The following CNTN4 variants were observed in gnomAD, a reference collection of about 807,000 sequenced individuals.
The protein encoded by CNTN4 is contactin-4.
CNTN4 carries 77 observed loss-of-function variants against 122.5 expected under a neutral mutation model. The observed-to-expected ratio is 0.63, with a 90% CI of 0.52 to 0.76. The LOEUF is 0.76. Ranked by LOEUF, CNTN4 falls within the 30% of genes least tolerant of loss-of-function variation. The pLI is 0.00. For missense variants in CNTN4, 1,256 were observed against 1,259.1 expected, an observed-to-expected ratio of 1.00 and a Z score of 0.04; for synonymous variants, 512 against 447.0, an observed-to-expected ratio of 1.15 and a Z score of -1.83.
At chr3:2,143,725 G>A (rs1396386561) in intron 2 of CNTN4, among the ~76,000 whole-genome samples, 1 of 152,158 alleles carries the variant, frequency 6.6e-6, no homozygotes, top group African/African-American at 2.4e-5. Flanking sequence ...AAGAAATTGA[G>A]TTTAGAGTTA....
chr3:2,777,516 C>G (rs2091372538), intron 6 of CNTN4, among the ~76,000 whole-genome samples: 1 of 152,196 alleles, frequency 6.6e-6, no homozygotes, highest in South Asian at 2.1e-4. Flanking sequence ...TGACCTTACC[C>G]TCTCTGGTAG....
At chr3:2,101,138 C>A (rs545755178) in intron 2 of CNTN4, among the ~76,000 whole-genome samples, 2 of 152,174 alleles carry the variant, frequency 1.3e-5, no homozygotes, top group South Asian at 4.1e-4. Flanking sequence ...AGAGAACAAA[C>A]CTTTCAAATG....
chr3:2,130,137 TA>T (rs1239454334), intron 2 of CNTN4, among the ~76,000 whole-genome samples: 2 of 152,208 alleles, frequency 1.3e-5, no homozygotes, highest in African/African-American at 4.8e-5. Flanking sequence ...TTATAATTCT[TA>T]TTTTTATTGT....
In CNTN4 at chr3:2,497,776, T is replaced by C. The variant is rs2076491479; in HGVS notation, c.-88-73640T>C. Among the ~76,000 whole-genome samples, 4 of 152,372 alleles carry C rather than the reference T, an allele frequency of 2.6e-5. No individual in the cohort carries two copies. In the South Asian group the frequency reaches 8.3e-4, roughly 32 times the overall value. The stretch of plus-strand genomic sequence containing the variant: ...CCCTTATAGAGCACTTAACAGAATC[T>C]ATAACTATTGAATTTACTTATCAAT... On this transcript the variant is annotated intron_variant, in intron 3 of 24. Transcript: ENST00000418658.
chr3:2,407,080 T>C lies in CNTN4; in HGVS notation c.-89+67847T>C, dbSNP rs370643880. The stretch of plus-strand genomic sequence containing the variant: ...TGCAAGATATCTTTCTTCGTCTAAC[T>C]CACATATTGAAGTGAACAACTTTTA... On this transcript the variant is annotated intron_variant, in intron 3 of 24. Transcript: ENST00000418658. 5.9e-5 allele frequency among the ~76,000 whole-genome samples: 9 copies of C among 152,294 alleles called. No homozygotes were observed. The East Asian group carries it at 1.5e-3, about 26-fold the overall frequency.
At chr3:2,926,120 A>G (rs548584837) in intron 13 of CNTN4, among the ~76,000 whole-genome samples, 6 of 152,304 alleles carry the variant, frequency 3.9e-5, no homozygotes, top group East Asian at 3.9e-4. Flanking sequence ...GTCCTTTGGT[A>G]TATGTAAATA....
intron 6 of CNTN4, among the ~76,000 whole-genome samples, chr3:2,774,154 G>A (rs4075529): frequency 0.72 from 109,412 of 151,944 alleles, 41,399 homozygotes; most frequent in Non-Finnish European, 0.84. Flanking sequence ...CCAGTTACCC[G>A]GGAGGCTGAG....
At chr3:2,897,763 A>T (rs922061993) in intron 10 of CNTN4, among the ~76,000 whole-genome samples, 3 of 152,124 alleles carry the variant, frequency 2.0e-5, no homozygotes, top group African/African-American at 2.4e-5. Flanking sequence ...CAAGTGTGAA[A>T]TTTTCCACTT....
chr3:2,344,994 T>C (rs2044347319), intron 3 of CNTN4, among the ~76,000 whole-genome samples: 1 of 152,314 alleles, frequency 6.6e-6, no homozygotes, highest in Middle Eastern at 3.4e-3. Context: ...GGGAAATAGT[T>C]GACAGAGAAA....
intron 3 of CNTN4, among the ~76,000 whole-genome samples, chr3:2,406,213 C>G (rs2151000763): frequency 6.6e-6 from 1 of 152,196 alleles, no homozygotes; most frequent in Non-Finnish European, 1.5e-5. Flanking sequence ...ATTGGAAAAA[C>G]CCAGCAGATA....
intron 3 of CNTN4, among the ~76,000 whole-genome samples, chr3:2,427,346 G>A (rs916914857): frequency 7.2e-5 from 11 of 152,154 alleles, no homozygotes; most frequent in African/African-American, 2.4e-4. Flanking sequence ...AGTCATTCAG[G>A]AGCAGGTTGC....
intron 3 of CNTN4, among the ~76,000 whole-genome samples, chr3:2,383,075 CAA>C (rs1164660732): frequency 3.3e-5 from 4 of 121,014 alleles, no homozygotes; most frequent in Non-Finnish European, 3.5e-5. Flanking sequence ...AAATCCATCT[CAA>C]AAAAAAAAAA....
At chr3:2,205,998 G>A (rs1161942050) in intron 2 of CNTN4, among the ~76,000 whole-genome samples, 1 of 152,040 alleles carries the variant, frequency 6.6e-6, no homozygotes, top group African/African-American at 2.4e-5. Context: ...ACTCGGAAGG[G>A]TATTCCAGTT....
intron 3 of CNTN4, among the ~76,000 whole-genome samples, chr3:2,506,860 T>C (rs1406665316): frequency 6.6e-6 from 1 of 152,058 alleles, no homozygotes; most frequent in Non-Finnish European, 1.5e-5. Flanking sequence ...GTAGTGATAC[T>C]TGGTTTTCTG....
chr3:2,687,905 T>G (rs751422242), intron 4 of CNTN4, among the ~76,000 whole-genome samples: 15 of 152,166 alleles, frequency 9.9e-5, no homozygotes, highest in Non-Finnish European at 1.6e-4. Context: ...AGAGGCCTTG[T>G]TCAGAGTTGA....
intron 2 of CNTN4, among the ~76,000 whole-genome samples, chr3:2,289,581 G>A (rs1481851419): frequency 6.6e-6 from 1 of 152,190 alleles, no homozygotes; most frequent in Admixed American, 6.5e-5. Context: ...CAGTTCAGGG[G>A]AGGAAGATTG....
chr3:2,505,250 G>A (rs2076702065), intron 3 of CNTN4, among the ~76,000 whole-genome samples: 1 of 152,156 alleles, frequency 6.6e-6, no homozygotes, highest in South Asian at 2.1e-4. Context: ...AGAGAGAGAA[G>A]GAAGGAGGGA....
intron 14 of CNTN4, among the ~76,000 whole-genome samples, chr3:3,011,642 T>C (rs899580132): frequency 2.0e-5 from 3 of 152,200 alleles, no homozygotes; most frequent in Non-Finnish European, 4.4e-5. Context: ...ACAACTTGTT[T>C]TGAGCATTTG....
intron 4 of CNTN4, among the ~76,000 whole-genome samples, chr3:2,689,799 G>A (rs2085629889): frequency 6.6e-6 from 1 of 151,952 alleles, no homozygotes; most frequent in Non-Finnish European, 1.5e-5. Context: ...ACGAATCCAG[G>A]GCTTCTGTAA....
Sources: allele counts gnomAD v4.1 joint callset (sites outside exome capture counted in the v4.1 genomes callset), GRCh38; gene constraint gnomAD v4.1.1; transcripts MANE v1.5; gene names NCBI Gene and HGNC (gene_info 2026-07-23, HGNC 2026-07-21).